Variants in BRAP observed in about 807,000 individuals in gnomAD.
BRAP encodes BRCA1 associated protein.
BRAP carries 42 observed loss-of-function variants against 73.4 expected under a neutral mutation model. That is an observed-to-expected ratio of 0.57 (90% CI 0.45 to 0.74). BRAP has a LOEUF of 0.74. Ranked by LOEUF, BRAP falls within the 30% of genes least tolerant of loss-of-function variation. BRAP has a pLI of 0.00. For missense variants in BRAP, 593 were observed against 751.4 expected, an observed-to-expected ratio of 0.79 and a Z score of 2.46; for synonymous variants, 255 against 267.4, an observed-to-expected ratio of 0.95 and a Z score of 0.45.
chr12:111,680,478 C>A (rs2135930152), intron 3 of BRAP, among the ~76,000 whole-genome samples: 1 of 150,986 alleles, frequency 6.6e-6, no homozygotes, highest in Non-Finnish European at 1.5e-5. Flanking sequence ...GGGCTGATCA[C>A]TTGAGGTTAG....
intron 10 of BRAP, among the ~76,000 whole-genome samples, chr12:111,650,685 G>A (rs532609816): frequency 6.6e-6 from 1 of 152,162 alleles, no homozygotes; most frequent in African/African-American, 2.4e-5. Context: ...GAGCCACTGC[G>A]CCTGACCTAA....
At chr12:111,663,899 T>C (rs1886843088) in intron 6 of BRAP, among the ~76,000 whole-genome samples, 1 of 152,230 alleles carries the variant, frequency 6.6e-6, no homozygotes, top group Admixed American at 6.5e-5. Flanking sequence ...GCCATGACAC[T>C]TTGAGCTTGC....
intron 4 of BRAP, among the ~76,000 whole-genome samples, chr12:111,676,028 C>G (rs1414903523): frequency 2.0e-5 from 3 of 152,054 alleles, no homozygotes; most frequent in African/African-American, 4.8e-5. Context: ...GCACACCCCC[C>G]CTTTTTTTTT....
intron 11 of BRAP, among the ~76,000 whole-genome samples, chr12:111,645,858 C>T (rs965931787): frequency 2.0e-5 from 3 of 152,004 alleles, no homozygotes; most frequent in Non-Finnish European, 4.4e-5. Context: ...GGTGCAGTGG[C>T]GTGCACCTGT....
intron 11 of BRAP, among the ~76,000 whole-genome samples, chr12:111,645,544 G>A (rs1243642821): frequency 2.0e-5 from 3 of 152,122 alleles, no homozygotes; most frequent in Non-Finnish European, 4.4e-5. Context: ...TGGCATTCTT[G>A]GAGAGTCAAG....
At chr12:111,659,822 G>C (rs1217911646) in intron 7 of BRAP, among the ~76,000 whole-genome samples, 1 of 152,124 alleles carries the variant, frequency 6.6e-6, no homozygotes, top group Non-Finnish European at 1.5e-5. Flanking sequence ...TTTAAGACCA[G>C]CTTGGGCAAC....
Position 111,668,944 on chromosome 12 carries a change from C to T in BRAP, c.748-3157G>A, listed in dbSNP as rs1314464294. Among the ~76,000 whole-genome samples the T allele has an allele frequency of 4.0e-5, 6 of 151,738 alleles. No homozygotes were observed. The East Asian group carries it at 1.2e-3, about 29-fold the overall frequency. On this transcript the variant is annotated intron_variant, in intron 5 of 11. Transcript: ENST00000419234. ...CTGGGATTACAGGCGTGAGCCACTG[C>T]GTCTGGCCAAAAAAAATTCTTTTAA...
Position 111,679,348 on chromosome 12 carries a change from A to G in BRAP, c.444-8T>C. 1 of 1,516,966 alleles carries G rather than the reference A, an allele frequency of 6.6e-7. No homozygotes were observed. The highest frequency in any genetic ancestry group is 8.9e-7 in the Non-Finnish European group (1 of 1,125,924). The allele number at this position is 1,516,966 out of a possible 1,614,324, so 94.0% of individuals were successfully genotyped here. ...TTTAAGGAGGTCATCTTACTAACAA[A>G]AAAAAAATTAGAGTGTCTTGAATAG... On this transcript the variant is annotated splice_polypyrimidine_tract_variant and splice_region_variant and intron_variant, in intron 3 of 11. Coordinates refer to ENST00000419234, the MANE Select transcript of BRAP (RefSeq NM_006768.5).
chr12:111,653,030 A>AT (rs148476494), intron 10 of BRAP, among the ~76,000 whole-genome samples: 63 of 151,132 alleles, frequency 4.2e-4, no homozygotes, highest in African/African-American at 1.1e-3. Context: ...TCTGAATAAA[A>AT]TTTTTTTTTT....
intron 11 of BRAP, among the ~76,000 whole-genome samples, 195 bp from the exon 12 acceptor site, chr12:111,644,757 C>T (rs929835234): frequency 6.6e-6 from 1 of 152,054 alleles, no homozygotes; most frequent in Non-Finnish European, 1.5e-5. Flanking sequence ...CTACTTAACA[C>T]AAGTGTATTT....
intron 10 of BRAP, among the ~76,000 whole-genome samples, chr12:111,650,266 C>CT (rs902600495): frequency 4.0e-5 from 6 of 151,300 alleles, no homozygotes; most frequent in African/African-American, 7.3e-5. Context: ...GCCGGGAAAT[C>CT]TTTTTTTTTC....
chr12:111,661,964 G>T (rs931818927), intron 6 of BRAP, among the ~76,000 whole-genome samples: 1 of 151,978 alleles, frequency 6.6e-6, no homozygotes, highest in African/African-American at 2.4e-5. Context: ...ATGAGCCACC[G>T]CACCTGGCTA....
At chr12:111,653,849 A>C (rs1886413186) in intron 10 of BRAP, among the ~76,000 whole-genome samples, 1 of 152,182 alleles carries the variant, frequency 6.6e-6, no homozygotes, top group South Asian at 2.1e-4. Context: ...TAGAAAACAA[A>C]AGCATCCTTT....
Position 111,683,107 on chromosome 12 carries a change from C to G in BRAP, c.244+39G>C, listed in dbSNP as rs775568315. 3.2e-6 allele frequency: 5 copies of G among 1,585,266 alleles called. No individual in the cohort carries two copies. In the East Asian group the frequency reaches 1.1e-4, roughly 36 times the overall value. On this transcript the variant is annotated intron_variant, in intron 2 of 11. Transcript: ENST00000419234. ...GTGTATAAAATAGGCAACCAGTGTTCACATTACAAAAGAGAGTCCAGGGTT... is the reference window on the plus strand; with the variant it reads ...GTGTATAAAATAGGCAACCAGTGTTGACATTACAAAAGAGAGTCCAGGGTT...
At position 111,655,648 on chromosome 12, in the gene BRAP, T is replaced by A; in HGVS notation, c.1229A>T (p.Tyr410Phe). 6.2e-7 allele frequency: 1 copy of A among 1,608,788 alleles called. No individual in the cohort carries two copies. Among genetic ancestry groups the A allele is most frequent in the Non-Finnish European group, 8.5e-7 (1 of 1,175,206 alleles). The change falls in exon 10 of 12, where the codon TAT becomes TTT. Residue 410 changes from tyrosine to phenylalanine, a missense_variant. By Grantham distance (22) the Tyr-to-Phe change is conservative. Transcript: ENST00000419234. ...AGATTCCAGCTGGCTTGTTAGTAAA[T>A]ATGAATACTAGAAACATAGAGAATA... ...KIDALQLEYS[Y>F]LLTSQLESQR... is the part of the protein sequence containing the mutation.
chr12:111,649,024 A>G (rs191241453), intron 11 of BRAP, among the ~76,000 whole-genome samples: 1 of 152,174 alleles, frequency 6.6e-6, no homozygotes, highest in African/African-American at 2.4e-5. Flanking sequence ...ACAACAACAA[A>G]AAAAACCCGT....
chr12:111,679,317 T>C lies in BRAP; in HGVS notation c.467A>G (p.Asp156Gly). Residue 156 changes from aspartate to glycine, a missense_variant, in exon 4 of 12, where the codon GAT becomes GGT. Physicochemically the swap from Asp to Gly is moderately conservative, Grantham distance 94 (BLOSUM62 -1). Coordinates refer to ENST00000419234, the MANE Select transcript of BRAP (RefSeq NM_006768.5). ...ACACAGCATGGCACTGCGCCGCACA[T>C]CTTCTTTTAAGGAGGTCATCTTACT... is the stretch of plus-strand genomic sequence containing the variant. ...KTNKMTSLKE[D>G]VRRSAMLCIL... The C allele has an allele frequency of 6.4e-7, 1 of 1,556,022 alleles. No homozygotes were observed.
chr12:111,652,263 G>A (rs1485761516), intron 10 of BRAP, among the ~76,000 whole-genome samples: 6 of 151,860 alleles, frequency 4.0e-5, no homozygotes, highest in South Asian at 2.1e-4. Context: ...TCACTCTGTC[G>A]CCCAGGCTGG....
intron 6 of BRAP, among the ~76,000 whole-genome samples, chr12:111,661,840 T>C (rs920742419): frequency 4.6e-5 from 7 of 151,922 alleles, no homozygotes; most frequent in African/African-American, 1.7e-4. Flanking sequence ...GCCTCCCAAG[T>C]AGCTGGGATT....
Sources: gnomAD v4.1 joint callset for allele counts (sites outside exome capture counted in the v4.1 genomes callset) on GRCh38, gnomAD v4.1.1 for gene constraint, MANE v1.5 for transcripts, NCBI Gene and HGNC (gene_info 2026-07-23, HGNC 2026-07-21) for gene names.